Variants in CRACR2A observed in about 807,000 individuals in gnomAD.
CRACR2A encodes EF-hand calcium-binding domain-containing protein 4B.
A neutral mutation model predicts 90.5 loss-of-function variants in CRACR2A; 79 were observed. The ratio of observed to expected loss-of-function variants is 0.87; its 90% confidence interval spans 0.73 to 1.05. The LOEUF (loss-of-function observed/expected upper bound fraction) is 1.05, where lower values mean the gene tolerates loss of function less well. Ranked by LOEUF, CRACR2A falls within the 50% of genes least tolerant of loss-of-function variation. The pLI is 0.00. For missense variants in CRACR2A, 823 were observed against 897.2 expected, an observed-to-expected ratio of 0.92 and a Z score of 1.06; for synonymous variants, 338 against 356.7, an observed-to-expected ratio of 0.95 and a Z score of 0.59.
At chr12:3,720,938 C>A (rs1049601342) in intron 2 of CRACR2A, among the ~76,000 whole-genome samples, 3 of 152,186 alleles carry the variant, frequency 2.0e-5, no homozygotes, top group Admixed American at 6.5e-5. Flanking sequence ...CCAACACAAC[C>A]CCATGCAGGA....
chr12:3,668,210 C>G (rs962788634), intron 7 of CRACR2A, among the ~76,000 whole-genome samples: 1 of 152,166 alleles, frequency 6.6e-6, no homozygotes, highest in East Asian at 1.9e-4. Flanking sequence ...GAGTCCTCGC[C>G]GAGAACTTCA....
chr12:3,691,362 G>T (rs1293461129), intron 4 of CRACR2A, among the ~76,000 whole-genome samples: 1 of 152,168 alleles, frequency 6.6e-6, no homozygotes, highest in African/African-American at 2.4e-5. Flanking sequence ...CTCAGGATTT[G>T]CTTGTCTGAA....
At chr12:3,688,250 T>C (rs74344567) in intron 4 of CRACR2A, among the ~76,000 whole-genome samples, 2 of 152,378 alleles carry the variant, frequency 1.3e-5, no homozygotes, top group Middle Eastern at 6.8e-3. Context: ...ATCTTCCTCA[T>C]GAAATCCTTG....
intron 7 of CRACR2A, among the ~76,000 whole-genome samples, chr12:3,662,615 G>A (rs1945058045): frequency 6.6e-6 from 1 of 152,196 alleles, no homozygotes; most frequent in South Asian, 2.1e-4. Flanking sequence ...TGGTTTCAAG[G>A]ATAAAAGGCC....
At chr12:3,662,773 C>CGCAGTGGCTGCGCGG (rs1945061455) in intron 7 of CRACR2A, among the ~76,000 whole-genome samples, 2 of 152,222 alleles carry the variant, frequency 1.3e-5, no homozygotes, top group African/African-American at 4.8e-5. Flanking sequence ...GCAGGAGCCC[C>CGCAGTGGCTGCGCGG]GCAGTGGCTG....
At chr12:3,693,739 C>T (rs1044956524) in intron 4 of CRACR2A, among the ~76,000 whole-genome samples, 1 of 152,126 alleles carries the variant, frequency 6.6e-6, no homozygotes, top group Non-Finnish European at 1.5e-5. Flanking sequence ...CTACCTTTAA[C>T]ATTTTTTCTT....
At chr12:3,748,602 G>T (rs1048705812) in intron 1 of CRACR2A, among the ~76,000 whole-genome samples, 6 of 152,230 alleles carry the variant, frequency 3.9e-5, no homozygotes, top group Admixed American at 1.3e-4. Flanking sequence ...CCCTCTAGTT[G>T]CCCCAGGCAG....
intron 13 of CRACR2A, among the ~76,000 whole-genome samples, chr12:3,638,849 A>C (rs992926335): frequency 6.6e-6 from 1 of 152,226 alleles, no homozygotes; most frequent in Non-Finnish European, 1.5e-5. Flanking sequence ...AAGGTTGTGA[A>C]GAAACGTGTC....
At chr12:3,666,346 T>TGC (rs1945142593) in intron 7 of CRACR2A, among the ~76,000 whole-genome samples, 1 of 138,324 alleles carries the variant, frequency 7.2e-6, no homozygotes. Flanking sequence ...TGTGTGTGTG[T>TGC]GTGTGTGTGC....
intron 9 of CRACR2A, among the ~76,000 whole-genome samples, chr12:3,655,828 C>T (rs1213501968): frequency 6.6e-6 from 1 of 152,214 alleles, no homozygotes; most frequent in Non-Finnish European, 1.5e-5. Flanking sequence ...GCCAATGAAC[C>T]AGTCCAGGCA....
chr12:3,704,680 G>C (rs1198494051), intron 3 of CRACR2A, among the ~76,000 whole-genome samples: 1 of 152,160 alleles, frequency 6.6e-6, no homozygotes, highest in Non-Finnish European at 1.5e-5. Flanking sequence ...CCAGTCCATT[G>C]TACTTATCCC....
At chr12:3,700,112 G>A (rs920851959) in intron 3 of CRACR2A, among the ~76,000 whole-genome samples, 1 of 152,102 alleles carries the variant, frequency 6.6e-6, no homozygotes, top group Non-Finnish European at 1.5e-5. Context: ...AGCCCCTACC[G>A]AACAGGATTT....
chr12:3,654,142 C>T lies in CRACR2A; in HGVS notation c.1046+70G>A, dbSNP rs56193549. On this transcript the variant is annotated intron_variant, in intron 10 of 19. Transcript: ENST00000440314. The stretch of plus-strand genomic sequence containing the variant: ...GCAAGGAGACAGGGTCTCTGAGCGG[C>T]GAGGGGACATGCCCATAGTGGGGAG... 6.6e-3 allele frequency: 10,249 copies of T among 1,554,386 alleles called. 83 individuals carry two copies. The highest frequency in any genetic ancestry group is 0.023 in the South Asian group (1,947 of 85,896).
At chr12:3,623,639 G>A (rs939011187) in intron 17 of CRACR2A, among the ~76,000 whole-genome samples, 6 of 152,196 alleles carry the variant, frequency 3.9e-5, no homozygotes, top group Non-Finnish European at 8.8e-5. Context: ...ATTGAGATAA[G>A]AAATTGGGGG....
chr12:3,620,460 A>G (rs1357001541), intron 17 of CRACR2A, among the ~76,000 whole-genome samples: 3 of 152,224 alleles, frequency 2.0e-5, no homozygotes, highest in Non-Finnish European at 4.4e-5. Context: ...TTACAGATAT[A>G]CCAATTTTAA....
intron 7 of CRACR2A, among the ~76,000 whole-genome samples, chr12:3,669,405 G>A (rs778381883): frequency 4.5e-4 from 68 of 152,300 alleles, no homozygotes; most frequent in Non-Finnish European, 3.2e-4. Flanking sequence ...TCATGCTAAA[G>A]TGTGAAGACC....
At chr12:3,659,523 C>G in intron 8 of CRACR2A, 41 bp downstream of exon 8, 1 of 1,583,224 alleles carries the variant, frequency 6.3e-7, no homozygotes, top group Non-Finnish European at 8.7e-7. Flanking sequence ...GCAGATATGT[C>G]AAGCTGGCCT....
Position 3,673,436 on chromosome 12 carries a change from G to C in CRACR2A, c.671+10C>G, listed in dbSNP as rs1945286483. 1 of 1,607,504 alleles carries C rather than the reference G, an allele frequency of 6.2e-7. No individual in the cohort carries two copies. Among genetic ancestry groups the C allele is most frequent in the African/African-American group, 1.3e-5 (1 of 74,540 alleles). ...TAGTTACAGAAAGCGGCTGACACTG[G>C]GGTACCCACCTTTTTAGGGCACACT... On this transcript the variant is annotated intron_variant, in intron 7 of 19. Transcript: ENST00000440314.
intron 19 of CRACR2A, among the ~76,000 whole-genome samples, 193 bp downstream of exon 19, chr12:3,616,761 C>T (rs1282000270): frequency 6.6e-6 from 1 of 152,232 alleles, no homozygotes; most frequent in Non-Finnish European, 1.5e-5. Context: ...ATCATTGTTT[C>T]AGAAAGCTGC....
Sources: gnomAD v4.1 joint callset for allele counts (sites outside exome capture counted in the v4.1 genomes callset) on GRCh38, gnomAD v4.1.1 for gene constraint, MANE v1.5 for transcripts, NCBI Gene and HGNC (gene_info 2026-07-23, HGNC 2026-07-21) for gene names.